The following UBAP1 variants were observed in gnomAD, a reference collection of about 807,000 sequenced individuals.
UBAP1 encodes the protein ubiquitin-associated protein 1.
A neutral mutation model predicts 39.0 loss-of-function variants in UBAP1; 5 were observed. The observed-to-expected ratio is 0.13, with a 90% CI of 0.07 to 0.27. UBAP1 has a LOEUF of 0.27. Ranked by LOEUF, UBAP1 falls within the 10% of genes least tolerant of loss-of-function variation. The pLI, the probability that UBAP1 is intolerant of heterozygous loss-of-function variation, is 1.00. For missense variants in UBAP1, 490 were observed against 608.1 expected (o/e 0.81, Z 2.04); for synonymous variants, 211 against 225.1 (o/e 0.94, Z 0.56).
At chr9:34,199,660 G>T (rs1831258085) in intron 1 of UBAP1, among the ~76,000 whole-genome samples, 1 of 150,876 alleles carries the variant, frequency 6.6e-6, no homozygotes, top group Admixed American at 6.6e-5. Context: ...TTGAGACAGG[G>T]TCTCATTGTG....
chr9:34,237,932 A>C (rs1554652790), intron 3 of UBAP1, among the ~76,000 whole-genome samples: 1 of 152,186 alleles, frequency 6.6e-6, no homozygotes, highest in Non-Finnish European at 1.5e-5. Flanking sequence ...ATAGTTGTGT[A>C]ATAATCATTA....
chr9:34,204,465 C>T (rs1221217682), intron 1 of UBAP1, among the ~76,000 whole-genome samples: 2 of 151,894 alleles, frequency 1.3e-5, no homozygotes, highest in Non-Finnish European at 2.9e-5. Context: ...ACAGTCCACA[C>T]CCATTTTTTT....
rs117419416 is a variant in UBAP1, at chr9:34,211,416, A to G, written c.-7-9492A>G. ...AGCCATCTTTTTGTGTAAATTAGAT[A>G]ATTTCCTGGATTAATTTGTATCTTG... On this transcript the variant is annotated intron_variant, in intron 1 of 6. Transcript: ENST00000297661. Among the ~76,000 whole-genome samples the G allele has an allele frequency of 3.5e-3, 539 of 152,320 alleles. 2 individuals are homozygous for G. The highest frequency in any genetic ancestry group is 0.017 in the Middle Eastern group (5 of 294).
chr9:34,196,376 C>T (rs1342882137), intron 1 of UBAP1, among the ~76,000 whole-genome samples: 2 of 150,390 alleles, frequency 1.3e-5, no homozygotes, highest in South Asian at 2.1e-4. Context: ...AGTGCAATGG[C>T]GTGATCTCGG....
intron 1 of UBAP1, chr9:34,191,418 T>C (rs1830713682): frequency 6.6e-6 from 1 of 152,154 alleles, no homozygotes; most frequent in African/African-American, 2.4e-5. Context: ...TAAAATAGTG[T>C]CTTTAGCCAT....
chr9:34,193,902 C>A (rs933911646), intron 1 of UBAP1, among the ~76,000 whole-genome samples: 8 of 151,990 alleles, frequency 5.3e-5, no homozygotes, highest in African/African-American at 1.9e-4. Context: ...GGTGTTAAGA[C>A]CCACAATCAG....
intron 1 of UBAP1, among the ~76,000 whole-genome samples, chr9:34,211,717 C>G (rs1832027931): frequency 6.6e-6 from 1 of 152,058 alleles, no homozygotes; most frequent in African/African-American, 2.4e-5. Flanking sequence ...TCAACTTTTC[C>G]TTTTCCCATT....
rs750494361 is a variant in UBAP1, at chr9:34,217,783, C to CTTTTTTTTTTTTTT, written c.-7-3108_-7-3095dup. On this transcript the variant is annotated intron_variant, in intron 1 of 6. Transcript: ENST00000297661. The stretch of plus-strand genomic sequence containing the variant: ...TTGTCATAAATGACAGGATTTCGTT[C>CTTTTTTTTTTTTTT]TTTTTTTTTTTTTTTTTTTTTTTTT... Among the ~76,000 whole-genome samples, 5 of 41,224 alleles carry CTTTTTTTTTTTTTT rather than the reference C, an allele frequency of 1.2e-4. 1 individual carries two copies. Among genetic ancestry groups the CTTTTTTTTTTTTTT allele is most frequent in the Non-Finnish European group, 1.6e-4 (4 of 24,896 alleles). The allele number at this position is 41,224 out of a possible 152,430, so 27.0% of individuals were successfully genotyped here. A position where few individuals can be genotyped will look rare whatever the true frequency, so the allele number is the denominator to read the frequency against.
At chr9:34,221,876 T>C (rs1832779955) in intron 2 of UBAP1, among the ~76,000 whole-genome samples, 1 of 152,146 alleles carries the variant, frequency 6.6e-6, no homozygotes, top group Non-Finnish European at 1.5e-5. Flanking sequence ...AATTATACCC[T>C]TTTTTCATAC....
At chr9:34,196,937 T>TG (rs1491145601) in intron 1 of UBAP1, among the ~76,000 whole-genome samples, 88 of 150,300 alleles carry the variant, frequency 5.9e-4, no homozygotes, top group Admixed American at 2.3e-3. Context: ...TGTGTGTGTG[T>TG]TTTTAATTGA....
intron 1 of UBAP1, among the ~76,000 whole-genome samples, chr9:34,209,747 A>G (rs1434438882): frequency 3.9e-5 from 6 of 151,910 alleles, no homozygotes. Flanking sequence ...GTTGAATTAC[A>G]TATTATTGTA....
intron 1 of UBAP1, among the ~76,000 whole-genome samples, chr9:34,217,734 CAA>C (rs1194193685): frequency 7.4e-6 from 1 of 134,728 alleles, no homozygotes; most frequent in East Asian, 2.4e-4. Context: ...TCAGTTAACA[CAA>C]AGTCCTGCAG....
intron 1 of UBAP1, among the ~76,000 whole-genome samples, chr9:34,186,590 A>G (rs10971981): frequency 0.32 from 49,308 of 151,858 alleles, 9,810 homozygotes; most frequent in Non-Finnish European, 0.45. Context: ...AATTGTATCT[A>G]TAGTGTTTTT....
intron 4 of UBAP1, among the ~76,000 whole-genome samples, chr9:34,249,200 G>A (rs1407303188): frequency 6.6e-6 from 1 of 152,118 alleles, no homozygotes. Flanking sequence ...ATGATGTAGG[G>A]CAAAGGTGTG....
chr9:34,213,549 C>A (rs1375319879), intron 1 of UBAP1, among the ~76,000 whole-genome samples: 1 of 151,942 alleles, frequency 6.6e-6, no homozygotes, highest in Non-Finnish European at 1.5e-5. Flanking sequence ...CTATGACACA[C>A]CTACAGCCAA....
chr9:34,183,269 C>G (rs537293207), intron 1 of UBAP1, among the ~76,000 whole-genome samples: 5 of 151,788 alleles, frequency 3.3e-5, no homozygotes, highest in African/African-American at 1.2e-4. Context: ...ATAGGCCTGG[C>G]GCCATGGCTC....
Position 34,224,555 on chromosome 9 carries a change from C to T in UBAP1, c.34+3607C>T, listed in dbSNP as rs533069187. On this transcript the variant is annotated intron_variant, in intron 2 of 6. Transcript: ENST00000297661. ...AGCTGGGCACCCCTGCTCATACTTCCGCTTCTTGTGGTAGGGCTTTCTCTT... is the reference window on the plus strand; with the variant it reads ...AGCTGGGCACCCCTGCTCATACTTCTGCTTCTTGTGGTAGGGCTTTCTCTT... 1.4e-5 allele frequency: 6 copies of T among 443,686 alleles called. No homozygotes were observed. In the South Asian group the frequency reaches 4.2e-4, roughly 31 times the overall value. The allele number at this position is 443,686 out of a possible 1,614,324, so 27.5% of individuals were successfully genotyped here.
At chr9:34,249,482 A>C (rs1834356628) in intron 4 of UBAP1, among the ~76,000 whole-genome samples, 2 of 152,172 alleles carry the variant, frequency 1.3e-5, no homozygotes, top group Non-Finnish European at 2.9e-5. Flanking sequence ...AGATTTGGGC[A>C]TGCAAGGGCC....
chr9:34,217,783 CTTTT>C (rs750494361), intron 1 of UBAP1, among the ~76,000 whole-genome samples: 8 of 41,208 alleles, frequency 1.9e-4, no homozygotes, highest in African/African-American at 7.3e-4. Context: ...GGATTTCGTT[CTTTT>C]TTTTTTTTTT....
Sources: gnomAD v4.1 joint callset for allele counts (sites outside exome capture counted in the v4.1 genomes callset) on GRCh38, gnomAD v4.1.1 for gene constraint, MANE v1.5 for transcripts, NCBI Gene and HGNC (gene_info 2026-07-23, HGNC 2026-07-21) for gene names.